The following SAP18 variants were observed in gnomAD, a reference collection of about 807,000 sequenced individuals.
The protein encoded by SAP18 is histone deacetylase complex subunit SAP18.
SAP18 carries 4 observed loss-of-function variants against 18.6 expected under a neutral mutation model. That is an observed-to-expected ratio of 0.21 (90% CI 0.11 to 0.49). The LOEUF (loss-of-function observed/expected upper bound fraction) is 0.49. Among genes scored for constraint, SAP18 ranks in the 20% least tolerant of loss-of-function variants. The probability of loss-of-function intolerance (pLI) is 0.98; values close to 1 mark genes in which losing one functional copy is unlikely to be tolerated. For synonymous variants in SAP18, 112 were observed against 82.8 expected, an observed-to-expected ratio of 1.35 and a Z score of -1.92; for missense variants, 170 against 226.4, an observed-to-expected ratio of 0.75 and a Z score of 1.60.
At chr13:21,140,620 A>T (rs752464689) in exon 1 of SAP18, 2 of 1,612,336 alleles carry the variant, frequency 1.2e-6, no homozygotes. Flanking sequence ...ATGGCGGTGG[A>T]GTCGCGCGTT....
rs576674810 is a variant in SAP18, at chr13:21,144,608, G to A, written c.240-2197G>A. On this transcript the variant is annotated intron_variant, in intron 2 of 3. Transcript: ENST00000621421. ...CCTCTGAATTTAAGGTCAATTGGTT[G>A]TTGACTTTAGTCACATCTATAAAAT... 2.6e-5 allele frequency among the ~76,000 whole-genome samples: 4 copies of A among 152,160 alleles called. No homozygotes were observed. In the South Asian group the frequency reaches 8.3e-4, roughly 32 times the overall value.
At chr13:21,140,802 C>T in intron 1 of SAP18, 84 bp from the exon 2 acceptor site, 1 of 1,571,554 alleles carries the variant, frequency 6.4e-7, no homozygotes, top group South Asian at 1.1e-5. Context: ...GCTCGGAGGC[C>T]GCAACGCCTC....
At chr13:21,142,150 G>A (rs1428875687) in intron 2 of SAP18, among the ~76,000 whole-genome samples, 1 of 149,096 alleles carries the variant, frequency 6.7e-6, no homozygotes, top group Non-Finnish European at 1.5e-5. Flanking sequence ...AGCCAGGTGT[G>A]GTGGCGCAGA....
exon 4 of SAP18, chr13:21,147,467 T>C (rs1260730027): frequency 2.4e-6 from 2 of 836,710 alleles, no homozygotes; most frequent in African/African-American, 3.5e-5. Context: ...GCATCATCTA[T>C]TTAGGAGTTA....
exon 3 of SAP18, chr13:21,146,873 G>A (rs1396811280): frequency 1.9e-6 from 3 of 1,613,080 alleles, no homozygotes; most frequent in East Asian, 4.5e-5. Context: ...AGAAAGAAGG[G>A]CACTCACTTC....
chr13:21,141,882 G>A (rs1193229858), intron 2 of SAP18, among the ~76,000 whole-genome samples: 1 of 151,752 alleles, frequency 6.6e-6, no homozygotes, highest in Non-Finnish European at 1.5e-5. Context: ...GACCAGGCTG[G>A]TCTCGAACTC....
At chr13:21,148,848 C>T (rs1648705174) in exon 4 of SAP18, 2 of 152,154 alleles carry the variant, frequency 1.3e-5, no homozygotes, top group South Asian at 4.1e-4. Flanking sequence ...AGTGGTTGGG[C>T]TGCTTTGTCA....
intron 2 of SAP18, among the ~76,000 whole-genome samples, chr13:21,141,975 T>G (rs192423482): frequency 6.7e-6 from 1 of 149,596 alleles, no homozygotes; most frequent in African/African-American, 2.4e-5. Flanking sequence ...CTAAAATAAA[T>G]TTTTTATTGT....
At chr13:21,145,065 CTT>C (rs1167195491) in intron 2 of SAP18, among the ~76,000 whole-genome samples, 9 of 127,706 alleles carry the variant, frequency 7.0e-5, no homozygotes, top group Admixed American at 8.1e-5. Context: ...TTCTTGACCT[CTT>C]TTTTTTTTTT....
rs1344806517 is a variant in SAP18, at chr13:21,142,784, C to G, written c.239+1789C>G. Among the ~76,000 whole-genome samples the G allele has an allele frequency of 3.9e-5, 6 of 152,230 alleles. No homozygotes were observed. The South Asian group carries it at 1.0e-3, about 26-fold the overall frequency. Reference sequence around the variant, plus strand: ...TAAAGAGACGGAGTCTTGCTCTGTTCCCCAAGCTGGATTTGAGCTCCTTGG... The same window carrying G: ...TAAAGAGACGGAGTCTTGCTCTGTTGCCCAAGCTGGATTTGAGCTCCTTGG... On this transcript the variant is annotated intron_variant, in intron 2 of 3. Transcript: ENST00000621421.
intron 2 of SAP18, among the ~76,000 whole-genome samples, chr13:21,144,240 G>GCTAAAAATA (rs1037119197): frequency 6.6e-6 from 1 of 151,640 alleles, no homozygotes; most frequent in African/African-American, 2.4e-5. Context: ...CCCCGTCTCT[G>GCTAAAAATA]CTAAAAATAC....
At chr13:21,142,050 G>T (rs545476069) in intron 2 of SAP18, among the ~76,000 whole-genome samples, 9 of 150,648 alleles carry the variant, frequency 6.0e-5, no homozygotes, top group Non-Finnish European at 1.3e-4. Flanking sequence ...ACTTTGGGAG[G>T]CTGAGGCTGG....
At chr13:21,142,886 TTAA>T (rs1420825825) in intron 2 of SAP18, among the ~76,000 whole-genome samples, 1 of 152,210 alleles carries the variant, frequency 6.6e-6, no homozygotes, top group Non-Finnish European at 1.5e-5. Context: ...TCTGTGCCTA[TTAA>T]TAATTTCCCA....
chr13:21,143,033 A>G (rs1869523390), intron 2 of SAP18, among the ~76,000 whole-genome samples: 1 of 152,172 alleles, frequency 6.6e-6, no homozygotes, highest in African/African-American at 2.4e-5. Context: ...TGGTGTTTTT[A>G]GGGTTAATGT....
chr13:21,147,104 A>C (rs1178389274), intron 3 of SAP18, 82 bp from the exon 4 acceptor site: 1 of 1,481,740 alleles, frequency 6.7e-7, no homozygotes, highest in Non-Finnish European at 9.1e-7. Flanking sequence ...TGATGGAGAA[A>C]ATCCAGTGCC....
At chr13:21,142,597 G>C (rs562358967) in intron 2 of SAP18, among the ~76,000 whole-genome samples, 53 of 152,194 alleles carry the variant, frequency 3.5e-4, no homozygotes, top group East Asian at 3.9e-4. Context: ...AAAGTGGTAG[G>C]TTTACAGGCA....
exon 4 of SAP18, chr13:21,148,343 T>G (rs762275297): frequency 1.3e-5 from 2 of 152,186 alleles, no homozygotes; most frequent in Non-Finnish European, 2.9e-5. Flanking sequence ...AAATACTGAT[T>G]ATTGGCCATA....
chr13:21,146,808 G>T, exon 3 of SAP18: 1 of 1,591,302 alleles, frequency 6.3e-7, no homozygotes. Context: ...AATCCAGGAT[G>T]GATGCAACCT....
intron 2 of SAP18, among the ~76,000 whole-genome samples, chr13:21,142,036 C>T (rs970082069): frequency 6.6e-6 from 1 of 150,518 alleles, no homozygotes; most frequent in Admixed American, 6.6e-5. Flanking sequence ...CCTGTAATCC[C>T]AGCACTTTGG....
Sources: gnomAD v4.1 joint callset for allele counts (sites outside exome capture counted in the v4.1 genomes callset) on GRCh38, gnomAD v4.1.1 for gene constraint, MANE v1.5 for transcripts, NCBI Gene and HGNC (gene_info 2026-07-23, HGNC 2026-07-21) for gene names.